The following EXOC2 variants were observed in gnomAD, a reference collection of about 807,000 sequenced individuals.
EXOC2 encodes SEC5-like 1.
EXOC2 carries 70 observed loss-of-function variants against 131.8 expected under a neutral mutation model. The observed-to-expected ratio is 0.53, with a 90% CI of 0.44 to 0.65. The LOEUF (loss-of-function observed/expected upper bound fraction) is 0.65, where lower values mean the gene tolerates loss of function less well. EXOC2 is among the 30% of genes least tolerant of loss of function. The pLI, the probability that EXOC2 is intolerant of heterozygous loss-of-function variation, is 0.00. For synonymous variants in EXOC2, 411 were observed against 398.4 expected, an observed-to-expected ratio of 1.03 and a Z score of -0.38; for missense variants, 923 against 1,108.6, an observed-to-expected ratio of 0.83 and a Z score of 2.38.
chr6:537,068 A>G (rs1305442383), intron 22 of EXOC2, among the ~76,000 whole-genome samples: 1 of 152,178 alleles, frequency 6.6e-6, no homozygotes, highest in Admixed American at 6.5e-5. Context: ...AGGGAAAACC[A>G]AATAAAGCAA....
rs566429233 is a variant in EXOC2, at chr6:570,259, G to A, written c.1443+2261C>T. ...CGCCATTCTCCTGCCTCAGCCTCCC[G>A]AGTAGCTGCAACTACAGGCGCCCGC... is the stretch of plus-strand genomic sequence containing the variant. On this transcript the variant is annotated intron_variant, in intron 13 of 27. Transcript: ENST00000230449. Among the ~76,000 whole-genome samples, 151 of 145,770 alleles carry A rather than the reference G, an allele frequency of 1.0e-3. 1 individual carries two copies. Among genetic ancestry groups the A allele is most frequent in the Middle Eastern group, 7.7e-3 (2 of 260 alleles).
chr6:571,977 T>C (rs1581465347), intron 13 of EXOC2, among the ~76,000 whole-genome samples: 1 of 152,232 alleles, frequency 6.6e-6, no homozygotes, highest in East Asian at 1.9e-4. Context: ...ATGATGAAGA[T>C]ACTAAAGCAT....
chr6:503,581 C>A (rs143724014), intron 23 of EXOC2, among the ~76,000 whole-genome samples: 2 of 152,154 alleles, frequency 1.3e-5, no homozygotes, highest in Non-Finnish European at 2.9e-5. Context: ...TATGAACCCA[C>A]AAAAACTAAA....
At chr6:631,343 G>T (rs564439941) in intron 3 of EXOC2, among the ~76,000 whole-genome samples, 16 of 152,248 alleles carry the variant, frequency 1.1e-4, no homozygotes, top group Admixed American at 2.6e-4. Context: ...TTCGAGACCA[G>T]CCTGACCAAC....
rs80160853 is a variant in EXOC2, at chr6:658,368, T to C, written c.-43-20507A>G. Among the ~76,000 whole-genome samples, 1,290 of 152,166 alleles carry C rather than the reference T, an allele frequency of 8.5e-3. 29 individuals carry two copies. Among genetic ancestry groups the C allele is most frequent in the African/African-American group, 0.029 (1,193 of 41,516 alleles). On this transcript the variant is annotated intron_variant, in intron 1 of 27. Transcript: ENST00000230449. ...ATACTGCTCCAGATGAATTCTAAAA[T>C]ATTTTGTCAGAGTCTAAAAATAATC...
rs1763153820 is a variant in EXOC2, at chr6:656,976, G to T, written c.-43-19115C>A. On this transcript the variant is annotated intron_variant, in intron 1 of 27. Coordinates refer to ENST00000230449, the MANE Select transcript of EXOC2 (RefSeq NM_018303.6). ...ACAGGGAAGGCAGCTGGGGGCCTCTGAGGGGGATTCCGCGTGCCACAAGCC... is the reference window on the plus strand; with the variant it reads ...ACAGGGAAGGCAGCTGGGGGCCTCTTAGGGGGATTCCGCGTGCCACAAGCC... The T allele has an allele frequency of 2.7e-6, 4 of 1,485,902 alleles. No homozygotes were observed. In the East Asian group the frequency reaches 9.9e-5, roughly 37 times the overall value. 92.0% of individuals were successfully genotyped at this position (1,485,902 alleles called of 1,614,324 possible).
intron 1 of EXOC2, among the ~76,000 whole-genome samples, chr6:682,173 A>G (rs1764433037): frequency 1.3e-5 from 2 of 151,168 alleles, no homozygotes; most frequent in Non-Finnish European, 2.9e-5. Flanking sequence ...ACCATTCCGC[A>G]GTTCCTATTA....
chr6:650,025 T>G (rs756975798), intron 1 of EXOC2, among the ~76,000 whole-genome samples: 1 of 152,222 alleles, frequency 6.6e-6, no homozygotes, highest in Non-Finnish European at 1.5e-5. Flanking sequence ...ATAAATTCCT[T>G]CCTGCCTGCA....
At chr6:625,947 A>G (rs1761544111) in intron 4 of EXOC2, among the ~76,000 whole-genome samples, 1 of 152,186 alleles carries the variant, frequency 6.6e-6, no homozygotes, top group Admixed American at 6.5e-5. Flanking sequence ...CACATTACCC[A>G]TAAATACCCT....
rs1333869438 is a variant in EXOC2 at position 599,194 on chromosome 6, T to C, written c.774A>G (p.Gln258=). 3.1e-6 allele frequency: 5 copies of C among 1,608,340 alleles called. No homozygotes were observed. The highest frequency in any genetic ancestry group is 3.4e-6 in the Non-Finnish European group (4 of 1,176,394). ...CCTTGTCTTTCCGACCTAATACTTCTTGAAACAATGTGTCTGCAGTATTAC... is the reference window on the plus strand; with the variant it reads ...CCTTGTCTTTCCGACCTAATACTTCCTGAAACAATGTGTCTGCAGTATTAC... ...RASNTADTLF[Q]EVLGRKDKAD... The change falls in exon 8 of 28, where the codon CAA becomes CAG. Residue 258 remains glutamine, a synonymous_variant. Coordinates refer to ENST00000230449, the MANE Select transcript of EXOC2 (RefSeq NM_018303.6).
intron 1 of EXOC2, among the ~76,000 whole-genome samples, chr6:652,101 AAAC>A (rs141776566): frequency 0.018 from 2,668 of 152,132 alleles, 83 homozygotes; most frequent in African/African-American, 0.059. Context: ...AATACTCACC[AAAC>A]AAAATAATTC....
intron 7 of EXOC2, among the ~76,000 whole-genome samples, chr6:604,760 T>C (rs3823142): frequency 0.83 from 112,095 of 135,658 alleles, 45,444 homozygotes; most frequent in Middle Eastern, 0.91. Context: ...CACCCACCGC[T>C]GGCCTCTGCT....
chr6:592,476 A>T lies in EXOC2; in HGVS notation c.1185T>A (p.Asp395Glu). The change falls in exon 11 of 28, where the codon GAT becomes GAA. Residue 395 changes from aspartate to glutamate, a missense_variant. Coordinates refer to ENST00000230449, the MANE Select transcript of EXOC2 (RefSeq NM_018303.6). ...MHSCKEGYVK[D>E]LKGNPGLHSP... ...TGGAAGAGAAATCCTTGCCTTTCAG[A>T]TCTTTCACGTAGCCCTCTTTGCAAC... 4 of 1,613,184 alleles carry T rather than the reference A, an allele frequency of 2.5e-6. No homozygotes were observed. The highest frequency in any genetic ancestry group is 3.4e-6 in the Non-Finnish European group (4 of 1,179,330).
chr6:498,293 A>G (rs566672772), intron 24 of EXOC2, among the ~76,000 whole-genome samples: 1 of 152,320 alleles, frequency 6.6e-6, no homozygotes, highest in East Asian at 1.9e-4. Flanking sequence ...TTGATAATAG[A>G]CATTAATAAA....
intron 11 of EXOC2, among the ~76,000 whole-genome samples, chr6:581,382 A>G (rs1430923683): frequency 3.3e-5 from 5 of 152,214 alleles, no homozygotes; most frequent in Non-Finnish European, 7.3e-5. Flanking sequence ...TCTTAAAGAT[A>G]GTAAGCACAG....
chr6:539,899 T>C (rs2127552418), intron 22 of EXOC2, among the ~76,000 whole-genome samples: 1 of 152,308 alleles, frequency 6.6e-6, no homozygotes, highest in South Asian at 2.1e-4. Flanking sequence ...TGACATTCCT[T>C]TATATTACTG....
At chr6:656,763 C>T (rs1763130087) in intron 1 of EXOC2, 8 of 1,590,952 alleles carry the variant, frequency 5.0e-6, no homozygotes, top group South Asian at 3.4e-5. Context: ...CTGGAAGGCC[C>T]CCTGCCGCAC....
At chr6:599,374 G>GTT (rs4060989) in intron 7 of EXOC2, 149 bp from the exon 8 acceptor site, 34,282 of 729,060 alleles carry the variant, frequency 0.047, 1,711 homozygotes, top group African/African-American at 0.2. Flanking sequence ...ATCTTTTATG[G>GTT]TTTGCTAAAA....
chr6:578,678 T>C (rs1355884200), intron 11 of EXOC2, among the ~76,000 whole-genome samples: 2 of 152,218 alleles, frequency 1.3e-5, no homozygotes, highest in Non-Finnish European at 2.9e-5. Flanking sequence ...TTGGCCACTG[T>C]GCTAAATAAA....
Sources: allele counts gnomAD v4.1 joint callset (sites outside exome capture counted in the v4.1 genomes callset), GRCh38; gene constraint gnomAD v4.1.1; transcripts MANE v1.5; gene names NCBI Gene and HGNC (gene_info 2026-07-23, HGNC 2026-07-21).